The following CFTR variants were observed in gnomAD, a reference collection of about 807,000 sequenced individuals.
CFTR encodes CF transmembrane conductance regulator, also known as cystic fibrosis transmembrane conductance regulator.
In CFTR, 181 loss-of-function variants were observed where a neutral mutation model predicts 171.6. That is an observed-to-expected ratio of 1.05 (90% CI 0.93 to 1.19). CFTR has a LOEUF of 1.19. Ranked by LOEUF, CFTR falls within the 50% of genes most tolerant of loss-of-function variation. The pLI, the probability that CFTR is intolerant of heterozygous loss-of-function variation, is 0.00. For missense variants in CFTR, 1,968 were observed against 1,734.7 expected (o/e 1.13, Z -2.39); for synonymous variants, 583 against 608.0 (o/e 0.96, Z 0.60).
At chr7:117,613,198 A>C (rs1188797877) in intron 20 of CFTR, among the ~76,000 whole-genome samples, 1 of 152,240 alleles carries the variant, frequency 6.6e-6, no homozygotes, top group Non-Finnish European at 1.5e-5. Context: ...AGGCTGAATT[A>C]CATAAATGAA....
intron 11 of CFTR, among the ~76,000 whole-genome samples, chr7:117,559,952 T>C (rs1215437033): frequency 6.6e-6 from 1 of 152,170 alleles, no homozygotes; most frequent in Non-Finnish European, 1.5e-5. Context: ...ACGTCCTCAA[T>C]GGTTATTTAT....
At chr7:117,623,181 C>G (rs1461282257) in intron 21 of CFTR, among the ~76,000 whole-genome samples, 1 of 152,192 alleles carries the variant, frequency 6.6e-6, no homozygotes, top group Admixed American at 6.5e-5. Flanking sequence ...TTCTTCCCCA[C>G]AAATGAAGAA....
intron 13 of CFTR, among the ~76,000 whole-genome samples, chr7:117,590,872 C>T (rs1161534101): frequency 6.6e-6 from 1 of 151,990 alleles, no homozygotes; most frequent in Admixed American, 6.6e-5. Context: ...GCTTAGACTA[C>T]TCATCTACCT....
chr7:117,643,025 T>C (rs1157854435), intron 23 of CFTR, among the ~76,000 whole-genome samples: 1 of 152,168 alleles, frequency 6.6e-6, no homozygotes, highest in Non-Finnish European at 1.5e-5. Flanking sequence ...TTGTTTTTTG[T>C]TATTTGGATG....
At chr7:117,484,744 T>C (rs1364292600) in intron 1 of CFTR, among the ~76,000 whole-genome samples, 1 of 151,478 alleles carries the variant, frequency 6.6e-6, no homozygotes, top group Admixed American at 6.6e-5. Context: ...GTATATATAA[T>C]TATATAATTG....
chr7:117,640,924 G>T (rs1481030384), intron 22 of CFTR, among the ~76,000 whole-genome samples: 2 of 152,006 alleles, frequency 1.3e-5, no homozygotes, highest in African/African-American at 4.8e-5. Context: ...GGTAAGCCAG[G>T]TGCTAAGAAT....
In CFTR at chr7:117,535,038, GT is replaced by G. The variant is rs1798925028; in HGVS notation, c.580-204del. Among the ~76,000 whole-genome samples the G allele has an allele frequency of 2.6e-5, 4 of 152,270 alleles. No individual in the cohort carries two copies. In the South Asian group the frequency reaches 8.3e-4, roughly 32 times the overall value. On this transcript the variant is annotated intron_variant, in intron 5 of 26. Transcript: ENST00000003084. ...TTAAAAATGCACTGACTTGAAATTT[GT>G]TTTTTGGGAAAACCGATTCTATGTG...
intron 15 of CFTR, among the ~76,000 whole-genome samples, chr7:117,602,364 T>A (rs1792239644): frequency 6.6e-6 from 1 of 152,268 alleles, no homozygotes; most frequent in African/African-American, 2.4e-5. Context: ...TCCATTAATA[T>A]TAATCTCACC....
At chr7:117,519,501 T>G (rs1290181561) in intron 3 of CFTR, among the ~76,000 whole-genome samples, 2 of 152,042 alleles carry the variant, frequency 1.3e-5, no homozygotes, top group Non-Finnish European at 2.9e-5. Flanking sequence ...CTTCCATTTT[T>G]TGTATGCATG....
In CFTR at chr7:117,603,561, C is replaced by T. The variant is rs752617117; in HGVS notation, c.2687C>T (p.Thr896Ile). Residue 896 changes from threonine to isoleucine, a missense_variant, in exon 17 of 27, where the codon ACT (threonine) becomes ATT (isoleucine). Thr to Ile is a moderately conservative substitution (Grantham distance 89, BLOSUM62 -1). Coordinates refer to ENST00000003084, the MANE Select transcript of CFTR (RefSeq NM_000492.4). ...CCTCTTCAAGACAAAGGGAATAGTA[C>T]TCATAGTAGAAATAACAGCTATGCA... The part of the protein sequence containing the change: ...NTPLQDKGNS[T>I]HSRNNSYAVI... 34 of 1,613,946 alleles carry T rather than the reference C, an allele frequency of 2.1e-5. No individual in the cohort carries two copies. Among genetic ancestry groups the T allele is most frequent in the South Asian group, 1.5e-4 (14 of 91,082 alleles).
At chr7:117,521,076 T>G (rs1398217953) in intron 3 of CFTR, among the ~76,000 whole-genome samples, 1 of 151,982 alleles carries the variant, frequency 6.6e-6, no homozygotes, top group Non-Finnish European at 1.5e-5. Flanking sequence ...ATATATATCT[T>G]ATTGCTATTA....
chr7:117,510,037 A>G (rs896826892), intron 3 of CFTR, among the ~76,000 whole-genome samples: 9 of 152,152 alleles, frequency 5.9e-5, no homozygotes, highest in Admixed American at 3.3e-4. Flanking sequence ...TGAAAAATAC[A>G]TTTAAAACTT....
At chr7:117,505,866 T>C (rs2116637095) in intron 2 of CFTR, among the ~76,000 whole-genome samples, 1 of 152,352 alleles carries the variant, frequency 6.6e-6, no homozygotes, top group South Asian at 2.1e-4. Flanking sequence ...ACTTTATTTT[T>C]ATTGATTTTA....
chr7:117,590,956 G>C (rs1417389938), intron 13 of CFTR, among the ~76,000 whole-genome samples: 1 of 151,734 alleles, frequency 6.6e-6, no homozygotes, highest in Non-Finnish European at 1.5e-5. Context: ...CTCCTGTTAG[G>C]GTCCAATGTA....
rs573406734 is a variant in CFTR, at chr7:117,606,423, G to A, written c.2909-251G>A. 9.7e-4 allele frequency among the ~76,000 whole-genome samples: 148 copies of A among 152,240 alleles called. 2 individuals are homozygous for A. In the South Asian group the frequency reaches 0.03, roughly 31 times the overall value. On this transcript the variant is annotated intron_variant, in intron 17 of 26. Coordinates refer to ENST00000003084, the MANE Select transcript of CFTR (RefSeq NM_000492.4). ...AGTAAAAGCTATTTCAGAGAAATTG[G>A]TCGTTACTTGAATCTTACAAGAATC...
chr7:117,608,317 G>A (rs765226758), intron 18 of CFTR, among the ~76,000 whole-genome samples: 2 of 151,954 alleles, frequency 1.3e-5, no homozygotes, highest in South Asian at 4.1e-4. Context: ...CGATTCTCTC[G>A]CATCAGCCTC....
Position 117,559,468 on chromosome 7 carries a change from C to G in CFTR, c.1397C>G (p.Ser466Ter), listed in dbSNP as rs121908805. Residue 466 changes from serine (S) to a stop codon, truncating the protein, a stop_gained, in exon 11 of 27, where the codon TCA (serine) becomes TGA (stop). Coordinates refer to ENST00000003084, the MANE Select transcript of CFTR (RefSeq NM_000492.4). LOFTEE classifies it high-confidence loss of function. ...VAGSTGAGKTSLLMVIMGELE... is the reference protein window; with the variant it reads ...VAGSTGAGKT ...AATGATGGGTTTTATTTCCAGACTT[C>G]ACTTCTAATGGTGATTATGGGAGAA... 13 of 1,599,000 alleles carry G rather than the reference C, an allele frequency of 8.1e-6. No individual in the cohort carries two copies. The highest frequency in any genetic ancestry group is 8.1e-5 in the African/African-American group (6 of 74,242).
chr7:117,664,971 T>A, intron 25 of CFTR, 111 bp downstream of exon 25: 1 of 1,117,264 alleles, frequency 9.0e-7, no homozygotes, highest in Non-Finnish European at 1.4e-6. Flanking sequence ...TGTGGGGGTC[T>A]CCCCCAAGAT....
chr7:117,501,772 G>GAAAAAAAAAAA, intron 1 of CFTR, among the ~76,000 whole-genome samples: 1 of 73,582 alleles, frequency 1.4e-5, no homozygotes, highest in Non-Finnish European at 2.9e-5. Context: ...AAAAAAAAAA[G>GAAAAAAAAAAA]AAACAAAAAA....
Sources: gnomAD v4.1 joint callset for allele counts (sites outside exome capture counted in the v4.1 genomes callset) on GRCh38, gnomAD v4.1.1 for gene constraint, MANE v1.5 for transcripts, NCBI Gene and HGNC (gene_info 2026-07-23, HGNC 2026-07-21) for gene names.